The following RCAN2 variants were observed in gnomAD, a reference collection of about 807,000 sequenced individuals.
The protein encoded by RCAN2 is calcipressin-2.
Under a neutral mutation model 23.6 loss-of-function variants are expected in RCAN2, and 9 were observed. That is an observed-to-expected ratio of 0.38 (90% CI 0.23 to 0.67). RCAN2 has a LOEUF of 0.67. Ranked by LOEUF, RCAN2 falls within the 30% of genes least tolerant of loss-of-function variation. The pLI is 0.51. For synonymous variants in RCAN2, 109 were observed against 115.7 expected (o/e 0.94, Z 0.37); for missense variants, 273 against 302.3 (o/e 0.90, Z 0.72).
At chr6:46,397,276 T>C (rs1259646332) in intron 2 of RCAN2, among the ~76,000 whole-genome samples, 1 of 151,898 alleles carries the variant, frequency 6.6e-6, no homozygotes, top group African/African-American at 2.4e-5. Context: ...GGGGGTACCA[T>C]AGGGGAGTTC....
intron 2 of RCAN2, among the ~76,000 whole-genome samples, chr6:46,249,197 T>A (rs566773778): frequency 3.9e-4 from 60 of 152,076 alleles, no homozygotes; most frequent in Admixed American, 1.1e-3. Flanking sequence ...GGGATCATAA[T>A]GATCATTAGA....
chr6:46,323,696 C>CA (rs1471211792), intron 2 of RCAN2, among the ~76,000 whole-genome samples: 2 of 152,216 alleles, frequency 1.3e-5, no homozygotes, highest in African/African-American at 2.4e-5. Flanking sequence ...CAACCACTCA[C>CA]ATACAACCAG....
At chr6:46,262,534 T>C (rs1767144792) in intron 2 of RCAN2, among the ~76,000 whole-genome samples, 1 of 151,898 alleles carries the variant, frequency 6.6e-6, no homozygotes. Context: ...GGTGGGAGGA[T>C]TGCTTGAGTT....
intron 2 of RCAN2, among the ~76,000 whole-genome samples, chr6:46,374,946 G>A (rs759081770): frequency 4.6e-5 from 7 of 151,978 alleles, no homozygotes; most frequent in African/African-American, 9.7e-5. Flanking sequence ...TTGCTCCGTC[G>A]CCCAAGCTGG....
chr6:46,337,881 G>T (rs754147129), intron 2 of RCAN2, among the ~76,000 whole-genome samples: 1 of 152,194 alleles, frequency 6.6e-6, no homozygotes, highest in African/African-American at 2.4e-5. Context: ...CATGACTGTG[G>T]CTGGGCTAGG....
At chr6:46,442,820 TG>T (rs1429936747) in intron 2 of RCAN2, among the ~76,000 whole-genome samples, 8 of 152,208 alleles carry the variant, frequency 5.3e-5, no homozygotes, top group African/African-American at 1.9e-4. Flanking sequence ...GTCAGGCTCT[TG>T]GGCCCCGGGG....
intron 2 of RCAN2, among the ~76,000 whole-genome samples, chr6:46,447,381 G>A (rs376606483): frequency 6.6e-6 from 1 of 151,810 alleles, no homozygotes; most frequent in African/African-American, 2.4e-5. Flanking sequence ...GAGAGAGACT[G>A]TAACACAATA....
At chr6:46,461,509 G>T (rs1401804732) in intron 1 of RCAN2, among the ~76,000 whole-genome samples, 1 of 151,920 alleles carries the variant, frequency 6.6e-6, no homozygotes, top group Non-Finnish European at 1.5e-5. Context: ...ACTGGAAAGA[G>T]CCCTAAGGGA....
intron 2 of RCAN2, among the ~76,000 whole-genome samples, chr6:46,420,302 A>T (rs1766845026): frequency 6.6e-6 from 1 of 152,154 alleles, no homozygotes; most frequent in South Asian, 2.1e-4. Flanking sequence ...TACCGTGTGC[A>T]AGAGTCTTGG....
intron 2 of RCAN2, among the ~76,000 whole-genome samples, chr6:46,344,013 C>T (rs982057422): frequency 1.3e-5 from 2 of 152,016 alleles, no homozygotes; most frequent in African/African-American, 4.8e-5. Context: ...TATGAAATGT[C>T]CATAAAAGTA....
chr6:46,472,462 T>G (rs1274994287), intron 1 of RCAN2, among the ~76,000 whole-genome samples: 1 of 152,182 alleles, frequency 6.6e-6, no homozygotes, highest in Non-Finnish European at 1.5e-5. Context: ...CTGTGTTAGT[T>G]TAATCTCTGT....
chr6:46,317,762 G>A (rs1210349189), intron 2 of RCAN2, among the ~76,000 whole-genome samples: 1 of 152,174 alleles, frequency 6.6e-6, no homozygotes, highest in Admixed American at 6.5e-5. Context: ...ACCGCGCCCG[G>A]CCTATACCCC....
At chr6:46,455,572 C>T (rs1032740643) in intron 2 of RCAN2, among the ~76,000 whole-genome samples, 2 of 151,796 alleles carry the variant, frequency 1.3e-5, no homozygotes, top group Non-Finnish European at 2.9e-5. Context: ...AAAAAAAAGC[C>T]TCAGCCGGGC....
chr6:46,304,197 A>G (rs1561850364), intron 2 of RCAN2, among the ~76,000 whole-genome samples: 1 of 152,100 alleles, frequency 6.6e-6, no homozygotes, highest in African/African-American at 2.4e-5. Flanking sequence ...GATGACTAAT[A>G]GTTCTTGCCA....
chr6:46,255,232 T>A (rs1282880148), intron 2 of RCAN2, among the ~76,000 whole-genome samples: 3 of 151,846 alleles, frequency 2.0e-5, no homozygotes, highest in African/African-American at 7.3e-5. Flanking sequence ...TCCAAGGTGA[T>A]GAGTACAAGA....
At chr6:46,419,641 A>G (rs1181498113) in intron 2 of RCAN2, among the ~76,000 whole-genome samples, 2 of 152,226 alleles carry the variant, frequency 1.3e-5, no homozygotes, top group Non-Finnish European at 2.9e-5. Flanking sequence ...TTAAAATATA[A>G]TAAAATTACA....
intron 2 of RCAN2, among the ~76,000 whole-genome samples, chr6:46,383,990 G>T (rs1765675730): frequency 1.3e-5 from 2 of 152,142 alleles, no homozygotes; most frequent in Non-Finnish European, 2.9e-5. Context: ...GGATACAATA[G>T]CAGGACAAAA....
intron 2 of RCAN2, among the ~76,000 whole-genome samples, chr6:46,281,837 A>T (rs1435286284): frequency 7.6e-6 from 1 of 130,948 alleles, no homozygotes; most frequent in East Asian, 2.2e-4. Flanking sequence ...CCCCCATTTT[A>T]CAGATAATGA....
At chr6:46,229,654 C>T (rs1318223590) in intron 4 of RCAN2, among the ~76,000 whole-genome samples, 1 of 152,160 alleles carries the variant, frequency 6.6e-6, no homozygotes, top group South Asian at 2.1e-4. Context: ...GCTGTTTATT[C>T]TAGTTAGCCA....
Sources: allele counts gnomAD v4.1 joint callset (sites outside exome capture counted in the v4.1 genomes callset), GRCh38; gene constraint gnomAD v4.1.1; transcripts MANE v1.5; gene names NCBI Gene and HGNC (gene_info 2026-07-23, HGNC 2026-07-21).